FAM107B: variants seen among roughly 807,000 people sequenced by gnomAD.
The protein encoded by FAM107B is family with sequence similarity 107 member B.
Under a neutral mutation model 31.5 loss-of-function variants are expected in FAM107B, and 21 were observed. The ratio of observed to expected loss-of-function variants is 0.67; its 90% confidence interval spans 0.47 to 0.96. The LOEUF (loss-of-function observed/expected upper bound fraction) is 0.96, where lower values mean the gene tolerates loss of function less well. Ranked by LOEUF, FAM107B falls within the 40% of genes least tolerant of loss-of-function variation. The pLI, the probability that FAM107B is intolerant of heterozygous loss-of-function variation, is 0.00. For synonymous variants in FAM107B, 157 were observed against 141.5 expected (o/e 1.11, Z -0.78); for missense variants, 452 against 377.1 (o/e 1.20, Z -1.64).
intron 2 of FAM107B, among the ~76,000 whole-genome samples, chr10:14,628,922 C>A (rs1853246624): frequency 6.6e-6 from 1 of 151,686 alleles, no homozygotes. Flanking sequence ...TAGACTCATG[C>A]TTTTAAGTTG....
chr10:14,749,748 T>A (rs1187494848), intron 1 of FAM107B, among the ~76,000 whole-genome samples: 21 of 152,126 alleles, frequency 1.4e-4, no homozygotes, highest in Middle Eastern at 3.4e-3. Flanking sequence ...CTCCCTACCA[T>A]CCCGCTGAAG....
chr10:14,682,692 G>C (rs761210140), intron 1 of FAM107B, among the ~76,000 whole-genome samples: 1 of 152,060 alleles, frequency 6.6e-6, no homozygotes, highest in Non-Finnish European at 1.5e-5. Context: ...GTTGAACAAT[G>C]AGAACACATG....
At chr10:14,730,227 G>T (rs541575896) in intron 1 of FAM107B, among the ~76,000 whole-genome samples, 60 of 152,260 alleles carry the variant, frequency 3.9e-4, no homozygotes, top group African/African-American at 1.4e-3. Context: ...ATATCTCTGA[G>T]GTGGTTTCAT....
chr10:14,764,310 C>T (rs60126865), intron 1 of FAM107B, among the ~76,000 whole-genome samples: 9 of 152,092 alleles, frequency 5.9e-5, no homozygotes, highest in African/African-American at 2.2e-4. Context: ...GGACTGTGCA[C>T]GTAACTCATT....
At chr10:14,584,193 T>C (rs11259205) in intron 2 of FAM107B, among the ~76,000 whole-genome samples, 8,907 of 152,214 alleles carry the variant, frequency 0.059, 451 homozygotes, top group African/African-American at 0.13. Flanking sequence ...GGGTAGCTCG[T>C]TGGTGTCTCA....
In FAM107B at chr10:14,518,912, T is replaced by A. The variant is rs1231166632; in HGVS notation, c.*2278A>T. On this transcript the variant is annotated 3_prime_UTR_variant, in exon 5 of 5. Transcript: ENST00000181796. ...ACAAAACTGCTCAGATGTTCAAGAG[T>A]CCTAGGAGTTTGGGCTGCACAGTAT... is the stretch of plus-strand genomic sequence containing the variant. 1 of 152,316 alleles carries A rather than the reference T, an allele frequency of 6.6e-6. No individual in the cohort carries two copies. The highest frequency in any genetic ancestry group is 1.5e-5 in the Non-Finnish European group (1 of 67,980). 9.4% of individuals were successfully genotyped at this position (152,316 alleles called of 1,614,324 possible).
chr10:14,760,215 C>T (rs1470126862), intron 1 of FAM107B, among the ~76,000 whole-genome samples: 1 of 152,186 alleles, frequency 6.6e-6, no homozygotes, highest in African/African-American at 2.4e-5. Flanking sequence ...CAAGTGAACT[C>T]TGCTAGAGGG....
Position 14,530,410 on chromosome 10 carries a change from G to C in FAM107B, c.575C>G (p.Pro192Arg). 7 of 1,614,078 alleles carry C rather than the reference G, an allele frequency of 4.3e-6. No individual in the cohort carries two copies. The highest frequency in any genetic ancestry group is 5.9e-6 in the Non-Finnish European group (7 of 1,180,018). The change falls in exon 3 of 5, where the codon CCT becomes CGT. Residue 192 changes from proline (P) to arginine (R), a missense_variant. Physicochemically the swap from Pro to Arg is moderately radical, Grantham distance 103. Transcript: ENST00000181796. ...TTTTACAGGATTGATCAGTTTCTGA[G>C]GCCTAATGAGTTCAGGATTGTCATC... ...IEDDNPELIRPQKLINPVKTS... is the reference protein window; with the variant it reads ...IEDDNPELIRRQKLINPVKTS...
At chr10:14,767,024 G>GTA (rs369321562) in intron 1 of FAM107B, among the ~76,000 whole-genome samples, 255 of 16,176 alleles carry the variant, frequency 0.016, 20 homozygotes, top group Middle Eastern at 0.083. Context: ...TGATGTGTAT[G>GTA]TATATATATA....
At chr10:14,705,494 G>C (rs573579237) in intron 1 of FAM107B, among the ~76,000 whole-genome samples, 1 of 152,072 alleles carries the variant, frequency 6.6e-6, no homozygotes, top group Non-Finnish European at 1.5e-5. Flanking sequence ...GATAAACAAA[G>C]TGTGGTCTAG....
intron 2 of FAM107B, among the ~76,000 whole-genome samples, chr10:14,640,269 A>G (rs1244588903): frequency 1.3e-5 from 2 of 152,254 alleles, no homozygotes; most frequent in African/African-American, 4.8e-5. Flanking sequence ...AGGGCTTCTG[A>G]ATACAGAGCC....
chr10:14,598,818 T>C (rs898267193), intron 2 of FAM107B, among the ~76,000 whole-genome samples: 1 of 152,184 alleles, frequency 6.6e-6, no homozygotes, highest in Non-Finnish European at 1.5e-5. Flanking sequence ...GTCCCCACCA[T>C]GCATGGGAGG....
intron 2 of FAM107B, among the ~76,000 whole-genome samples, chr10:14,607,194 C>T (rs1318198277): frequency 6.6e-6 from 1 of 152,306 alleles, no homozygotes; most frequent in East Asian, 1.9e-4. Flanking sequence ...GGCTCAAAGT[C>T]ACGATGCTAC....
intron 2 of FAM107B, among the ~76,000 whole-genome samples, chr10:14,634,458 G>T (rs1486288118): frequency 1.3e-5 from 2 of 151,944 alleles, no homozygotes; most frequent in Non-Finnish European, 1.5e-5. Context: ...TGGATAACAG[G>T]CAGCCAAAGC....
At chr10:14,654,473 G>A (rs74561384) in intron 2 of FAM107B, among the ~76,000 whole-genome samples, 13 of 152,178 alleles carry the variant, frequency 8.5e-5, no homozygotes, top group South Asian at 6.2e-4. Flanking sequence ...TTGCTGTTGC[G>A]TTTTATTATC....
intron 2 of FAM107B, among the ~76,000 whole-genome samples, chr10:14,567,148 G>A (rs536082905): frequency 6.6e-6 from 1 of 152,286 alleles, no homozygotes; most frequent in Non-Finnish European, 1.5e-5. Context: ...GCGAGACTCT[G>A]TCTCAAATTA....
intron 2 of FAM107B, among the ~76,000 whole-genome samples, chr10:14,559,222 G>A (rs952579779): frequency 6.6e-6 from 1 of 152,130 alleles, no homozygotes. Context: ...ACACAGCCAT[G>A]TCCAGAGGGC....
rs1853207735 is a variant in FAM107B, at chr10:14,627,964, A to T, written c.469+39670T>A. Among the ~76,000 whole-genome samples, 2 of 152,126 alleles carry T rather than the reference A, an allele frequency of 1.3e-5. 1 individual carries two copies. Among genetic ancestry groups the T allele is most frequent in the South Asian group, 4.1e-4 (2 of 4,824 alleles). On this transcript the variant is annotated intron_variant, in intron 2 of 4. Transcript: ENST00000181796. ...AGGCGTGAATTCAAGGGCTTAGGGC[A>T]GAAGACACAGACTTGGAGTCCATGG...
At chr10:14,554,368 C>CA (rs1849519489) in intron 2 of FAM107B, 1 of 154,484 alleles carries the variant, frequency 6.5e-6, no homozygotes, top group Admixed American at 6.5e-5. Context: ...CCAGGTAATT[C>CA]AAAGCCAAGA....
Sources: allele counts gnomAD v4.1 joint callset (sites outside exome capture counted in the v4.1 genomes callset), GRCh38; gene constraint gnomAD v4.1.1; transcripts MANE v1.5; gene names NCBI Gene and HGNC (gene_info 2026-07-23, HGNC 2026-07-21).